Variants in DENND1A observed in about 807,000 individuals in gnomAD.
DENND1A encodes the protein DENN domain-containing protein 1A.
In DENND1A, 51 loss-of-function variants were observed where a neutral mutation model predicts 113.7. The ratio of observed to expected loss-of-function variants is 0.45; its 90% CI spans 0.36 to 0.57. The LOEUF (loss-of-function observed/expected upper bound fraction) is 0.57, where lower values mean the gene tolerates loss of function less well. Ranked by LOEUF, DENND1A falls within the 20% of genes least tolerant of loss-of-function variation. The probability of loss-of-function intolerance (pLI) is 0.00; values close to 1 mark genes in which losing one functional copy is unlikely to be tolerated. For missense variants in DENND1A, 1,258 were observed against 1,395.9 expected, an observed-to-expected ratio of 0.90 and a Z score of 1.57; for synonymous variants, 565 against 570.8, an observed-to-expected ratio of 0.99 and a Z score of 0.14.
intron 13 of DENND1A, among the ~76,000 whole-genome samples, chr9:123,497,914 G>T (rs999184817): frequency 2.0e-5 from 3 of 151,580 alleles, no homozygotes; most frequent in African/African-American, 7.3e-5. Flanking sequence ...AGCCACAAAA[G>T]GAGCAGTTAC....
At chr9:123,588,633 A>G (rs183985404) in intron 11 of DENND1A, among the ~76,000 whole-genome samples, 7,533 of 86,248 alleles carry the variant, frequency 0.087, 365 homozygotes, top group African/African-American at 0.14. Flanking sequence ...AAAAAAAAAA[A>G]GGGGGGGGGG....
intron 13 of DENND1A, among the ~76,000 whole-genome samples, chr9:123,532,193 A>G (rs184586589): frequency 1.3e-5 from 2 of 152,362 alleles, no homozygotes; most frequent in Admixed American, 1.3e-4. Context: ...TGTTGTCAAA[A>G]CAGGCATTAT....
intron 2 of DENND1A, among the ~76,000 whole-genome samples, chr9:123,863,996 A>T (rs1372422527): frequency 2.0e-5 from 3 of 151,950 alleles, no homozygotes; most frequent in Admixed American, 6.6e-5. Context: ...ACTCAAAAAA[A>T]AAAAACACAC....
intron 8 of DENND1A, among the ~76,000 whole-genome samples, chr9:123,661,459 G>A (rs560502858): frequency 4.3e-4 from 66 of 152,266 alleles, no homozygotes; most frequent in African/African-American, 1.4e-3. Context: ...TCAGCTTCCA[G>A]AACACTGATA....
At chr9:123,584,896 T>A (rs1191661678) in intron 11 of DENND1A, among the ~76,000 whole-genome samples, 1 of 152,176 alleles carries the variant, frequency 6.6e-6, no homozygotes, top group Non-Finnish European at 1.5e-5. Flanking sequence ...CAGGGGCTCA[T>A]CTGTGGCTCA....
At chr9:123,395,046 T>A (rs935887687) in intron 21 of DENND1A, among the ~76,000 whole-genome samples, 2 of 152,140 alleles carry the variant, frequency 1.3e-5, no homozygotes, top group Non-Finnish European at 2.9e-5. Context: ...AGCAGGGAGC[T>A]TAGCCAAGAC....
In DENND1A at chr9:123,682,976, C is replaced by A. The variant is rs114373635; in HGVS notation, c.303-6187G>T. 7.3e-3 allele frequency among the ~76,000 whole-genome samples: 1,108 copies of A among 152,322 alleles called. 13 individuals carry two copies. The highest frequency in any genetic ancestry group is 0.026 in the African/African-American group (1,071 of 41,548). ...AGGAAAATACTCACCAACAATGTGA[C>A]TGCTTCAAACAACATGACCCTTCTC... On this transcript the variant is annotated intron_variant, in intron 5 of 23. Coordinates refer to ENST00000394215, the MANE Select transcript of DENND1A (RefSeq NM_001352964.2).
Position 123,839,852 on chromosome 9 carries a change from ATG to A in DENND1A, c.88+39097_88+39098del, listed in dbSNP as rs1841570408. The stretch of plus-strand genomic sequence containing the variant: ...TATTCCTATTGAGCATCTACCACCT[ATG>A]AATTATTTCTGAAGCTAAGCAGTAG... On this transcript the variant is annotated intron_variant, in intron 2 of 23. Transcript: ENST00000394215. Among the ~76,000 whole-genome samples, 3 of 152,272 alleles carry A rather than the reference ATG, an allele frequency of 2.0e-5. No homozygotes were observed. In the East Asian group the frequency reaches 5.8e-4, roughly 29 times the overall value.
chr9:123,603,273 T>C (rs956420051), intron 11 of DENND1A, among the ~76,000 whole-genome samples: 8 of 152,172 alleles, frequency 5.3e-5, no homozygotes, highest in Non-Finnish European at 1.0e-4. Context: ...TTCTTTGAAA[T>C]GCAAAGGAAA....
At chr9:123,619,166 T>C (rs1192115931) in intron 10 of DENND1A, among the ~76,000 whole-genome samples, 2 of 152,250 alleles carry the variant, frequency 1.3e-5, no homozygotes, top group Admixed American at 1.3e-4. Context: ...AAGCTGGTCT[T>C]GAACTCCTGA....
At chr9:123,692,030 C>A (rs572061779) in intron 5 of DENND1A, among the ~76,000 whole-genome samples, 1 of 152,136 alleles carries the variant, frequency 6.6e-6, no homozygotes, top group Admixed American at 6.6e-5. Context: ...GGGAGCTGGA[C>A]CATCCAGAGC....
chr9:123,925,310 CCCTA>C (rs1379643196), intron 1 of DENND1A, among the ~76,000 whole-genome samples: 15 of 152,136 alleles, frequency 9.9e-5, no homozygotes, highest in Non-Finnish European at 2.1e-4. Context: ...TGCTAACCAC[CCCTA>C]CCTATCTCTC....
intron 2 of DENND1A, among the ~76,000 whole-genome samples, chr9:123,806,243 G>A (rs1835539854): frequency 6.7e-6 from 1 of 149,292 alleles, no homozygotes; most frequent in African/African-American, 2.5e-5. Context: ...CACCATGCCC[G>A]GCCAACATAC....
At chr9:123,661,546 C>A (rs539775708) in intron 8 of DENND1A, among the ~76,000 whole-genome samples, 2 of 152,270 alleles carry the variant, frequency 1.3e-5, no homozygotes, top group Non-Finnish European at 1.5e-5. Context: ...ATTTGAGAGG[C>A]CACTGCCCCC....
chr9:123,927,227 GC>G, intron 1 of DENND1A, among the ~76,000 whole-genome samples: 2 of 152,332 alleles, frequency 1.3e-5, no homozygotes, highest in South Asian at 4.1e-4. Context: ...CCTGTGCCTA[GC>G]AACTCACGTG....
chr9:123,504,479 A>G (rs2052748168), intron 13 of DENND1A, among the ~76,000 whole-genome samples: 1 of 152,240 alleles, frequency 6.6e-6, no homozygotes, highest in African/African-American at 2.4e-5. Context: ...GGAAAATGAC[A>G]GAGTGTTTTT....
intron 13 of DENND1A, among the ~76,000 whole-genome samples, chr9:123,508,763 A>G (rs2053191623): frequency 6.6e-6 from 1 of 152,246 alleles, no homozygotes; most frequent in Non-Finnish European, 1.5e-5. Context: ...TCTAAAAAAA[A>G]GTATAAAAGA....
intron 8 of DENND1A, among the ~76,000 whole-genome samples, chr9:123,666,800 A>C (rs12115374): frequency 0.055 from 8,344 of 152,292 alleles, 726 homozygotes; most frequent in African/African-American, 0.19. Context: ...AAAGGAATAA[A>C]AATCCTTCCT....
At chr9:123,760,706 A>G (rs1285621714) in intron 4 of DENND1A, among the ~76,000 whole-genome samples, 1 of 152,230 alleles carries the variant, frequency 6.6e-6, no homozygotes, top group East Asian at 1.9e-4. Context: ...TATGTTTTAA[A>G]GGGGGATTAT....
Sources: allele counts gnomAD v4.1 joint callset (sites outside exome capture counted in the v4.1 genomes callset), GRCh38; gene constraint gnomAD v4.1.1; transcripts MANE v1.5; gene names NCBI Gene and HGNC (gene_info 2026-07-23, HGNC 2026-07-21).